Variants in UPRT observed in about 807,000 individuals in gnomAD.
UPRT encodes the protein RP11-311P8.3.
In UPRT, 5 loss-of-function variants were observed where a neutral mutation model predicts 22.6. The observed-to-expected ratio is 0.22, with a 90% confidence interval of 0.12 to 0.47. The LOEUF is 0.47. Ranked by LOEUF, UPRT falls within the 20% of genes least tolerant of loss-of-function variation. The pLI is 0.99. For synonymous variants in UPRT, 77 were observed against 87.7 expected (o/e 0.88, Z 0.68); for missense variants, 181 against 239.9 (o/e 0.75, Z 1.62).
chrX:75,292,994 G>A (rs766457953), intron 1 of UPRT, among the ~76,000 whole-genome samples: 1 of 111,855 alleles, frequency 8.9e-6, no homozygotes, highest in Non-Finnish European at 1.9e-5. Flanking sequence ...AAAAGCAGAG[G>A]ATTTATTTAT....
At chrX:75,259,521 C>G (rs377683921) in intron 4 of UPRT, among the ~76,000 whole-genome samples, 62 of 107,491 alleles carry the variant, frequency 5.8e-4, no homozygotes, top group African/African-American at 2.1e-3. Context: ...AGATTGAAGA[C>G]CAACTTAATG....
chrX:75,279,894 A>G (rs2082646888), intron 1 of UPRT, among the ~76,000 whole-genome samples: 1 of 111,156 alleles, frequency 9.0e-6, no homozygotes, highest in African/African-American at 3.3e-5. Flanking sequence ...AGAACATATG[A>G]TGTTTAGTTT....
At chrX:75,251,557 A>C (rs1389937346) in intron 4 of UPRT, among the ~76,000 whole-genome samples, 1 of 111,599 alleles carries the variant, frequency 9.0e-6, no homozygotes, top group East Asian at 2.8e-4. Context: ...TCAATGAAAT[A>C]AAAGAGGATA....
chrX:75,225,322 A>AG lies in UPRT; in HGVS notation c.-447+57443_-447+57444insG, dbSNP rs58397771. On this transcript the variant is annotated intron_variant, in intron 4 of 13. Transcript: ENST00000652605. The stretch of plus-strand genomic sequence containing the variant: ...TACAAAAACAAAACCAAAACCAAAA[A>AG]CCACACACACACACACACACACACA... Among the ~76,000 whole-genome samples the AG allele has an allele frequency of 6.6e-3, 163 of 24,857 alleles. 2 individuals carry two copies. Among genetic ancestry groups the AG allele is most frequent in the African/African-American group, 0.015 (154 of 10,216 alleles). 21.6% of individuals were successfully genotyped at this position (24,857 alleles called of 115,157 possible).
At chrX:75,189,756 T>C (rs765402001) in intron 4 of UPRT, among the ~76,000 whole-genome samples, 1 of 112,259 alleles carries the variant, frequency 8.9e-6, no homozygotes, top group African/African-American at 3.2e-5. Flanking sequence ...TCATCTCTTT[T>C]GATCTTTGTT....
chrX:75,267,559 A>G (rs2082594388), intron 4 of UPRT, among the ~76,000 whole-genome samples: 1 of 112,184 alleles, frequency 8.9e-6, no homozygotes, highest in South Asian at 3.7e-4. Flanking sequence ...CATGTACCCT[A>G]GAACTTAAAG....
chrX:75,209,809 G>A (rs1416704529), intron 4 of UPRT, among the ~76,000 whole-genome samples: 1 of 112,468 alleles, frequency 8.9e-6, no homozygotes, highest in African/African-American at 3.2e-5. Context: ...GAGGACTTCT[G>A]TATGCATTGG....
chrX:75,258,797 G>T (rs759969158), intron 4 of UPRT, among the ~76,000 whole-genome samples: 1 of 111,977 alleles, frequency 8.9e-6, no homozygotes, highest in South Asian at 3.8e-4. Flanking sequence ...CCTCAAGAGG[G>T]TCCCTGACCC....
At chrX:75,163,045 A>G (rs1029643817) in intron 2 of UPRT, among the ~76,000 whole-genome samples, 46 of 112,076 alleles carry the variant, frequency 4.1e-4, no homozygotes, top group Admixed American at 3.8e-4. Context: ...AAAAATCAAG[A>G]TATCAGCCAG....
At chrX:75,222,614 C>A (rs1209312576) in intron 4 of UPRT, among the ~76,000 whole-genome samples, 1 of 111,455 alleles carries the variant, frequency 9.0e-6, no homozygotes, top group Non-Finnish European at 1.9e-5. Context: ...CCCATGGCCA[C>A]CACCCCACAG....
chrX:75,195,558 C>G (rs1471053141), intron 4 of UPRT, among the ~76,000 whole-genome samples: 1 of 112,284 alleles, frequency 8.9e-6, no homozygotes, highest in Non-Finnish European at 1.9e-5. Context: ...CTAAGCAGTT[C>G]TCACTGCCAG....
intron 4 of UPRT, chrX:75,297,812 G>T (rs969472751): frequency 2.9e-5 from 10 of 347,357 alleles, no homozygotes; most frequent in African/African-American, 2.6e-4. Flanking sequence ...AGAGGAGGAT[G>T]GGAGGATAGG....
chrX:75,174,633 C>T (rs2082241177), intron 4 of UPRT, among the ~76,000 whole-genome samples: 1 of 112,128 alleles, frequency 8.9e-6, no homozygotes. Context: ...CACTCTTCCC[C>T]TAAGAAGGTG....
chrX:75,182,977 C>T (rs1003787541), intron 4 of UPRT, among the ~76,000 whole-genome samples: 2 of 110,192 alleles, frequency 1.8e-5, no homozygotes, highest in Admixed American at 9.7e-5. Flanking sequence ...TTGACGTGGG[C>T]ATTTAGTGCT....
chrX:75,243,557 T>A (rs933581052), intron 4 of UPRT, among the ~76,000 whole-genome samples: 6 of 112,006 alleles, frequency 5.4e-5, no homozygotes, highest in African/African-American at 1.9e-4. Context: ...ATTTAAGGTG[T>A]TATGATTAGT....
chrX:75,261,094 A>T (rs958916683), intron 4 of UPRT, among the ~76,000 whole-genome samples: 15 of 112,079 alleles, frequency 1.3e-4, no homozygotes, highest in Non-Finnish European at 2.1e-4. Flanking sequence ...TCTGGGACAC[A>T]TTTAAAGCAG....
At chrX:75,265,726 G>T (rs1016604081) in intron 4 of UPRT, among the ~76,000 whole-genome samples, 1 of 111,663 alleles carries the variant, frequency 9.0e-6, no homozygotes, top group African/African-American at 3.3e-5. Context: ...CTGGTGAGGA[G>T]CTGTGTTCCT....
At position 75,227,420 on chromosome X, in the gene UPRT, G is replaced by A. The variant is rs1602461625; in HGVS notation, c.-447+59541G>A. Among the ~76,000 whole-genome samples the A allele has an allele frequency of 2.7e-5, 3 of 111,306 alleles. No homozygotes were observed. The Admixed American group carries it at 2.9e-4, about 11-fold the overall frequency. ...TTCCACTCAGGAATCTTCCACAGAC[G>A]TGCCATTGAACAAATATCATAATAA... On this transcript the variant is annotated intron_variant, in intron 4 of 13. Transcript: ENST00000652605.
intron 4 of UPRT, among the ~76,000 whole-genome samples, chrX:75,240,167 G>T (rs1356710409): frequency 2.7e-5 from 3 of 110,912 alleles, no homozygotes; most frequent in Non-Finnish European, 5.7e-5. Context: ...ATTGCTGTTT[G>T]GTGATGACAT....
Sources: gnomAD v4.1 joint callset for allele counts (sites outside exome capture counted in the v4.1 genomes callset) on GRCh38, gnomAD v4.1.1 for gene constraint, MANE v1.5 for transcripts, NCBI Gene and HGNC (gene_info 2026-07-23, HGNC 2026-07-21) for gene names.